TMTC2: variants seen among roughly 807,000 people sequenced by gnomAD.
The protein encoded by TMTC2 is protein O-mannosyl-transferase TMTC2.
A neutral mutation model predicts 82.4 loss-of-function variants in TMTC2; 43 were observed. That is an observed-to-expected ratio of 0.52 (90% confidence interval 0.41 to 0.67). The LOEUF (loss-of-function observed/expected upper bound fraction) is 0.67, where lower values mean the gene tolerates loss of function less well. Among genes scored for constraint, TMTC2 ranks in the 30% least tolerant of loss-of-function variants. The pLI is 0.00. For synonymous variants in TMTC2, 408 were observed against 381.9 expected, an observed-to-expected ratio of 1.07 and a Z score of -0.80; for missense variants, 919 against 1,012.4, an observed-to-expected ratio of 0.91 and a Z score of 1.25.
At chr12:82,868,723 A>AG in intron 2 of TMTC2, among the ~76,000 whole-genome samples, 1 of 150,756 alleles carries the variant, frequency 6.6e-6, no homozygotes, top group Admixed American at 6.6e-5. Flanking sequence ...TTGAAAAAAA[A>AG]AGGGAGGCAC....
intron 3 of TMTC2, among the ~76,000 whole-genome samples, chr12:82,904,545 C>A (rs1416551443): frequency 2.8e-4 from 42 of 152,138 alleles, no homozygotes; most frequent in Non-Finnish European, 4.4e-5. Flanking sequence ...TTTATAATAT[C>A]AGGAAAATAC....
At chr12:82,885,761 C>T (rs1364609000) in intron 2 of TMTC2, among the ~76,000 whole-genome samples, 1 of 152,116 alleles carries the variant, frequency 6.6e-6, no homozygotes, top group East Asian at 1.9e-4. Flanking sequence ...CACAACTTAC[C>T]ACTATAAAGT....
chr12:82,781,529 C>A (rs1308941602), intron 1 of TMTC2, among the ~76,000 whole-genome samples: 1 of 150,540 alleles, frequency 6.6e-6, no homozygotes, highest in Non-Finnish European at 1.5e-5. Context: ...AACACAGATG[C>A]TAATTGTATT....
chr12:82,899,864 A>AAT (rs1873899600), intron 3 of TMTC2, among the ~76,000 whole-genome samples: 1 of 145,530 alleles, frequency 6.9e-6, no homozygotes, highest in African/African-American at 2.5e-5. Flanking sequence ...GATATGTAGG[A>AAT]ATATATATAC....
At chr12:83,016,947 C>G (rs150067655) in intron 8 of TMTC2, among the ~76,000 whole-genome samples, 2 of 152,248 alleles carry the variant, frequency 1.3e-5, no homozygotes, top group Non-Finnish European at 2.9e-5. Context: ...GCATAGTAAG[C>G]TGCTCTATAA....
chr12:82,954,420 C>T (rs904827105), intron 4 of TMTC2, among the ~76,000 whole-genome samples: 1 of 152,188 alleles, frequency 6.6e-6, no homozygotes, highest in Non-Finnish European at 1.5e-5. Flanking sequence ...CACTGTGAGA[C>T]AATTCACTGA....
intron 1 of TMTC2, among the ~76,000 whole-genome samples, chr12:82,797,987 G>C (rs1878802449): frequency 6.8e-6 from 1 of 147,122 alleles, no homozygotes. Flanking sequence ...ACCCAGGGTG[G>C]AGTGCAGTGG....
chr12:82,897,078 T>C (rs905177193), intron 3 of TMTC2, among the ~76,000 whole-genome samples: 5 of 152,198 alleles, frequency 3.3e-5, no homozygotes, highest in Non-Finnish European at 7.3e-5. Flanking sequence ...AAGACTTTCA[T>C]TGAAACCTTT....
chr12:83,108,877 T>C (rs950148819), intron 11 of TMTC2, among the ~76,000 whole-genome samples: 3 of 152,186 alleles, frequency 2.0e-5, no homozygotes, highest in African/African-American at 7.2e-5. Flanking sequence ...AGCTAAAGTT[T>C]ATTCTTATTA....
At chr12:82,734,561 G>C (rs533023600) in intron 1 of TMTC2, among the ~76,000 whole-genome samples, 1 of 152,230 alleles carries the variant, frequency 6.6e-6, no homozygotes, top group East Asian at 1.9e-4. Context: ...TCCTTTTGAA[G>C]GGTTCATAGG....
intron 1 of TMTC2, among the ~76,000 whole-genome samples, chr12:82,710,208 G>T (rs540868274): frequency 6.6e-6 from 1 of 152,244 alleles, no homozygotes; most frequent in East Asian, 1.9e-4. Context: ...AGTGTGCTTG[G>T]TGCTACTCGA....
intron 4 of TMTC2, among the ~76,000 whole-genome samples, chr12:82,944,857 A>G (rs1030148047): frequency 2.0e-5 from 3 of 152,188 alleles, no homozygotes; most frequent in African/African-American, 4.8e-5. Context: ...TGCTATCACA[A>G]AACTACAGGG....
intron 4 of TMTC2, among the ~76,000 whole-genome samples, chr12:82,938,256 A>G (rs2137257698): frequency 6.6e-6 from 1 of 152,166 alleles, no homozygotes; most frequent in South Asian, 2.1e-4. Context: ...GATGTTCTTG[A>G]AAATTCAGGG....
At chr12:82,894,473 T>C (rs1414026047) in intron 2 of TMTC2, among the ~76,000 whole-genome samples, 1 of 152,198 alleles carries the variant, frequency 6.6e-6, no homozygotes, top group African/African-American at 2.4e-5. Context: ...TTGTGGGTTG[T>C]TTTTAAAATT....
intron 2 of TMTC2, among the ~76,000 whole-genome samples, chr12:82,858,620 T>G (rs995885075): frequency 6.6e-6 from 1 of 152,108 alleles, no homozygotes; most frequent in Admixed American, 6.5e-5. Context: ...CAAATGCTGT[T>G]CGAAACATCA....
At chr12:83,079,444 A>G (rs1883391101) in intron 11 of TMTC2, among the ~76,000 whole-genome samples, 1 of 152,186 alleles carries the variant, frequency 6.6e-6, no homozygotes, top group Non-Finnish European at 1.5e-5. Context: ...TCCAGGAACC[A>G]ATGGCTGCTT....
chr12:82,690,363 G>A, intron 1 of TMTC2: 2 of 985,430 alleles, frequency 2.0e-6, no homozygotes, highest in Non-Finnish European at 2.4e-6. Flanking sequence ...GAAGTGAAGG[G>A]AGAAGCACTC....
intron 2 of TMTC2, among the ~76,000 whole-genome samples, chr12:82,885,804 T>C (rs1199843995): frequency 6.6e-6 from 1 of 152,174 alleles, no homozygotes; most frequent in Non-Finnish European, 1.5e-5. Flanking sequence ...ATAGTGTTTT[T>C]CAGGTTTCTC....
intron 11 of TMTC2, among the ~76,000 whole-genome samples, chr12:83,075,144 G>C (rs759822603): frequency 5.3e-5 from 8 of 152,136 alleles, no homozygotes; most frequent in Non-Finnish European, 8.8e-5. Context: ...CAGACTTTCA[G>C]CTTCTCCAGT....
Sources: gnomAD v4.1 joint callset for allele counts (sites outside exome capture counted in the v4.1 genomes callset) on GRCh38, gnomAD v4.1.1 for gene constraint, MANE v1.5 for transcripts, NCBI Gene and HGNC (gene_info 2026-07-23, HGNC 2026-07-21) for gene names.